Variants in DLG2 observed in about 807,000 individuals in gnomAD.
DLG2 encodes disks large homolog 2.
DLG2 carries 45 observed loss-of-function variants against 132.5 expected under a neutral mutation model. The observed-to-expected ratio is 0.34, with a 90% CI of 0.27 to 0.44. The LOEUF (loss-of-function observed/expected upper bound fraction) is 0.44, where lower values mean the gene tolerates loss of function less well. Ranked by LOEUF, DLG2 falls within the 20% of genes least tolerant of loss-of-function variation. The pLI, the probability that DLG2 is intolerant of heterozygous loss-of-function variation, is 1.00. For missense variants in DLG2, 1,045 were observed against 1,196.9 expected, an observed-to-expected ratio of 0.87 and a Z score of 1.87; for synonymous variants, 424 against 419.6, an observed-to-expected ratio of 1.01 and a Z score of -0.13.
At chr11:84,709,262 G>C (rs1426475791) in intron 6 of DLG2, among the ~76,000 whole-genome samples, 1 of 151,916 alleles carries the variant, frequency 6.6e-6, no homozygotes, top group Non-Finnish European at 1.5e-5. Context: ...TTAATATATG[G>C]TCTGGTTGAC....
At chr11:84,319,957 G>A (rs1428184077) in intron 7 of DLG2, among the ~76,000 whole-genome samples, 3 of 152,072 alleles carry the variant, frequency 2.0e-5, no homozygotes, top group African/African-American at 4.8e-5. Context: ...GGCTTTCTGA[G>A]GACAGCCCAC....
chr11:83,885,959 G>A (rs2067736716), intron 15 of DLG2, among the ~76,000 whole-genome samples: 1 of 152,136 alleles, frequency 6.6e-6, no homozygotes, highest in African/African-American at 2.4e-5. Context: ...CACTAAACAT[G>A]GAAAGGAACA....
chr11:84,804,411 G>C (rs1354180379), intron 6 of DLG2, among the ~76,000 whole-genome samples: 2 of 152,208 alleles, frequency 1.3e-5, no homozygotes, highest in Non-Finnish European at 2.9e-5. Flanking sequence ...ACATGAAGTA[G>C]AAGAGATTTT....
intron 7 of DLG2, among the ~76,000 whole-genome samples, chr11:84,500,406 A>G (rs1001109623): frequency 2.0e-5 from 3 of 152,184 alleles, no homozygotes; most frequent in Admixed American, 2.0e-4. Context: ...GAAAAAATAA[A>G]TCTACTGCTG....
intron 18 of DLG2, among the ~76,000 whole-genome samples, chr11:83,719,891 T>C (rs1042345127): frequency 6.6e-6 from 1 of 152,198 alleles, no homozygotes; most frequent in Non-Finnish European, 1.5e-5. Flanking sequence ...TTAGCCTTTG[T>C]TCCCGACAAA....
chr11:84,265,817 G>A (rs976821661), intron 7 of DLG2, among the ~76,000 whole-genome samples: 2 of 151,758 alleles, frequency 1.3e-5, no homozygotes, highest in East Asian at 1.9e-4. Flanking sequence ...GCATCTTCTC[G>A]CTAAATAAAA....
At chr11:84,401,415 G>A (rs1034087690) in intron 7 of DLG2, among the ~76,000 whole-genome samples, 9 of 151,898 alleles carry the variant, frequency 5.9e-5, no homozygotes, top group South Asian at 2.1e-4. Flanking sequence ...TCTTCAATGC[G>A]GACAAGGGCT....
intron 6 of DLG2, among the ~76,000 whole-genome samples, chr11:85,078,785 A>T (rs1318221294): frequency 6.6e-6 from 1 of 152,102 alleles, no homozygotes; most frequent in East Asian, 1.9e-4. Context: ...CATCCACTGG[A>T]TTTGTCAACA....
chr11:85,042,679 A>C (rs1339073898), intron 6 of DLG2, among the ~76,000 whole-genome samples: 2 of 151,934 alleles, frequency 1.3e-5, no homozygotes, highest in Non-Finnish European at 2.9e-5. Flanking sequence ...TTGGGGAGTA[A>C]ATAAAGTTAG....
chr11:84,587,781 T>G (rs894325796), intron 6 of DLG2, among the ~76,000 whole-genome samples: 1 of 152,192 alleles, frequency 6.6e-6, no homozygotes, highest in African/African-American at 2.4e-5. Flanking sequence ...AAAACCTTGC[T>G]CATTATATTA....
intron 3 of DLG2, among the ~76,000 whole-genome samples, chr11:85,347,138 C>T (rs1413685237): frequency 6.6e-6 from 1 of 152,042 alleles, no homozygotes; most frequent in Non-Finnish European, 1.5e-5. Context: ...TCCACTTTGC[C>T]ACTTTTGGGG....
chr11:84,312,966 C>T (rs867082037), intron 7 of DLG2, among the ~76,000 whole-genome samples: 59 of 149,426 alleles, frequency 3.9e-4, no homozygotes, highest in Non-Finnish European at 1.5e-4. Flanking sequence ...CCCGCCACCA[C>T]GCCCGGCCAA....
intron 4 of DLG2, among the ~76,000 whole-genome samples, chr11:85,194,612 C>G (rs555423960): frequency 6.6e-6 from 1 of 151,524 alleles, no homozygotes. Context: ...CCCCCACCCC[C>G]GCCAAAGAAA....
At chr11:84,740,980 G>A (rs894612436) in intron 6 of DLG2, among the ~76,000 whole-genome samples, 1 of 151,532 alleles carries the variant, frequency 6.6e-6, no homozygotes, top group Non-Finnish European at 1.5e-5. Flanking sequence ...CCCAAAATCA[G>A]GGCATGAGAA....
intron 18 of DLG2, among the ~76,000 whole-genome samples, chr11:83,770,255 G>GTTTTTTTTTTTTTT (rs143065797): frequency 0.011 from 1,163 of 108,722 alleles, 69 homozygotes; most frequent in South Asian, 0.015. Context: ...GGTGTCTGGT[G>GTTTTTTTTTTTTTT]TTTTTTTTTG....
At chr11:84,209,003 T>G (rs1429441702) in intron 8 of DLG2, among the ~76,000 whole-genome samples, 1 of 152,152 alleles carries the variant, frequency 6.6e-6, no homozygotes, top group East Asian at 1.9e-4. Flanking sequence ...ATTAATAGAT[T>G]TAAAAATTAT....
At chr11:83,875,454 A>T (rs1159331282) in intron 15 of DLG2, among the ~76,000 whole-genome samples, 1 of 152,148 alleles carries the variant, frequency 6.6e-6, no homozygotes, top group African/African-American at 2.4e-5. Context: ...TGTGCCTGAA[A>T]TGGCATTGAG....
At chr11:84,416,645 C>A (rs933937816) in intron 7 of DLG2, among the ~76,000 whole-genome samples, 2 of 152,182 alleles carry the variant, frequency 1.3e-5, no homozygotes, top group Non-Finnish European at 2.9e-5. Flanking sequence ...ACTGTGTGAT[C>A]TTAGCAAAGT....
At chr11:84,410,574 C>CTTTT (rs367980167) in intron 7 of DLG2, among the ~76,000 whole-genome samples, 15 of 109,114 alleles carry the variant, frequency 1.4e-4, no homozygotes, top group East Asian at 2.7e-4. Context: ...ACCACATAAA[C>CTTTT]TTTTTTTTTT....
Sources: allele counts gnomAD v4.1 joint callset (sites outside exome capture counted in the v4.1 genomes callset), GRCh38; gene constraint gnomAD v4.1.1; transcripts MANE v1.5; gene names NCBI Gene and HGNC (gene_info 2026-07-23, HGNC 2026-07-21).